Variants in FBLN5 observed in about 807,000 individuals in gnomAD.
FBLN5 encodes fibulin-5.
Under a neutral mutation model 61.6 loss-of-function variants are expected in FBLN5, and 24 were observed. The ratio of observed to expected loss-of-function variants is 0.39; its 90% CI spans 0.28 to 0.55. FBLN5 has a LOEUF of 0.55. FBLN5 is among the 20% of genes least tolerant of loss of function. The pLI is 0.65. For missense variants in FBLN5, 470 were observed against 594.1 expected (o/e 0.79, Z 2.17); for synonymous variants, 213 against 219.8 (o/e 0.97, Z 0.27).
rs1411998249 is a variant in FBLN5 at position 91,947,081 on chromosome 14, G to A, written c.17+132C>T. 7.2e-6 allele frequency: 11 copies of A among 1,535,442 alleles called. No homozygotes were observed. In the South Asian group the frequency reaches 8.3e-5, roughly 12 times the overall value. ...GCTTTTTATAATTAACAATATCATT[G>A]CATCACTAGCTCATGCCTTTTCCAA... On this transcript the variant is annotated intron_variant, in intron 1 of 10. Coordinates refer to ENST00000342058, the MANE Select transcript of FBLN5 (RefSeq NM_006329.4). The surrounding 1 kb of genome is among the most constrained non-coding windows in gnomAD (Gnocchi z 4.3).
chr14:91,875,845 C>T (rs1429896639), intron 10 of FBLN5, among the ~76,000 whole-genome samples: 2 of 152,162 alleles, frequency 1.3e-5, no homozygotes, highest in African/African-American at 4.8e-5. Flanking sequence ...TAAACTAGTA[C>T]AGACTTTTGA....
intron 7 of FBLN5, 32 bp downstream of exon 7, chr14:91,887,160 CA>C (rs747468617): frequency 2.5e-6 from 4 of 1,613,082 alleles, no homozygotes; most frequent in Non-Finnish European, 3.4e-6. Context: ...GCCCCAAGTA[CA>C]GGTGGAAGTT....
At chr14:91,891,768 T>C (rs766996323) in intron 5 of FBLN5, among the ~76,000 whole-genome samples, 6 of 152,170 alleles carry the variant, frequency 3.9e-5, no homozygotes, top group Non-Finnish European at 5.9e-5. Flanking sequence ...AACTCAAAGA[T>C]TCCATATAGA....
chr14:91,898,182 C>G (rs754418995), intron 4 of FBLN5, among the ~76,000 whole-genome samples: 2 of 151,976 alleles, frequency 1.3e-5, no homozygotes, highest in African/African-American at 2.4e-5. Flanking sequence ...TATTTTGAGA[C>G]GTCAATAAGT....
rs1186052599 is a variant in FBLN5 at position 91,937,084 on chromosome 14, G to A, written c.242C>T (p.Ser81Leu). Residue 81 changes from serine (S) to leucine (L), a missense_variant, in exon 4 of 11, where the codon TCG becomes TTG. Coordinates refer to ENST00000342058, the MANE Select transcript of FBLN5 (RefSeq NM_006329.4). ...RTNPVYRGPY[S>L]NPYSTPYSGP... ...TGAGTAGGGGGTCGAGTAGGGGTTC[G>A]AGTAGGGCCCTCGATACACAGGGTT... 7.4e-6 allele frequency: 12 copies of A among 1,613,938 alleles called. No homozygotes were observed. The highest frequency in any genetic ancestry group is 3.3e-4 in the Middle Eastern group (2 of 6,084).
At chr14:91,919,509 C>T (rs550615338) in intron 4 of FBLN5, among the ~76,000 whole-genome samples, 2 of 152,130 alleles carry the variant, frequency 1.3e-5, no homozygotes, top group South Asian at 2.1e-4. Flanking sequence ...TAGGGTGAAT[C>T]GTGTCCCTCC....
intron 4 of FBLN5, among the ~76,000 whole-genome samples, chr14:91,929,249 A>AAT (rs1212460469): frequency 2.6e-5 from 4 of 152,286 alleles, no homozygotes; most frequent in African/African-American, 9.6e-5. Flanking sequence ...ATTTCAAAAT[A>AAT]ACTGCCACAG....
At chr14:91,936,330 A>C (rs1566828174) in intron 4 of FBLN5, among the ~76,000 whole-genome samples, 3 of 152,234 alleles carry the variant, frequency 2.0e-5, no homozygotes, top group African/African-American at 7.2e-5. Flanking sequence ...ATCACAGCGC[A>C]CCTTGGTCAC....
chr14:91,944,957 A>T (rs77631567), intron 1 of FBLN5, among the ~76,000 whole-genome samples: 1,533 of 152,344 alleles, frequency 0.01, 18 homozygotes, highest in African/African-American at 0.034. Flanking sequence ...CAGGCTGGGC[A>T]TGGTGGCTCC....
At chr14:91,942,416 G>A (rs889269892) in intron 2 of FBLN5, among the ~76,000 whole-genome samples, 5 of 152,232 alleles carry the variant, frequency 3.3e-5, no homozygotes. Flanking sequence ...ACCCGTGGGG[G>A]TCCTCAGGTG....
intron 4 of FBLN5, among the ~76,000 whole-genome samples, chr14:91,911,248 G>A (rs569897312): frequency 6.6e-6 from 1 of 152,272 alleles, no homozygotes; most frequent in East Asian, 1.9e-4. Flanking sequence ...GCCTCCCAAA[G>A]TGCTGGGATT....
At chr14:91,871,756 C>T (rs972942377) in intron 10 of FBLN5, among the ~76,000 whole-genome samples, 2 of 151,826 alleles carry the variant, frequency 1.3e-5, no homozygotes, top group African/African-American at 4.8e-5. Flanking sequence ...ACTTGGGAGG[C>T]TGAGGCACAA....
chr14:91,934,861 G>A (rs148048530), intron 4 of FBLN5, among the ~76,000 whole-genome samples: 143 of 152,182 alleles, frequency 9.4e-4, no homozygotes, highest in Middle Eastern at 3.4e-3. Context: ...TGGAAGGAGC[G>A]GTAGGTAGAA....
chr14:91,897,111 C>G (rs1225544250), intron 4 of FBLN5, among the ~76,000 whole-genome samples: 3 of 152,094 alleles, frequency 2.0e-5, no homozygotes, highest in African/African-American at 4.8e-5. Context: ...TTTCCCTCCT[C>G]TAAACATGAA....
intron 2 of FBLN5, chr14:91,942,034 T>C: frequency 7.5e-6 from 3 of 402,330 alleles, no homozygotes; most frequent in South Asian, 3.6e-5. Context: ...AATGCTCCCC[T>C]ACCTGCCTGC....
intron 4 of FBLN5, among the ~76,000 whole-genome samples, chr14:91,928,923 T>C (rs1430284545): frequency 1.3e-5 from 2 of 151,834 alleles, no homozygotes; most frequent in Non-Finnish European, 2.9e-5. Context: ...CCGGGTGCAG[T>C]GGCAGGCGCC....
At chr14:91,896,619 C>A (rs1474600138) in intron 4 of FBLN5, among the ~76,000 whole-genome samples, 1 of 152,118 alleles carries the variant, frequency 6.6e-6, no homozygotes, top group Non-Finnish European at 1.5e-5. Context: ...CTAGTAAGCA[C>A]CAAGCCAAGA....
At chr14:91,876,409 G>A (rs1889164207) in intron 10 of FBLN5, among the ~76,000 whole-genome samples, 1 of 152,218 alleles carries the variant, frequency 6.6e-6, no homozygotes, top group African/African-American at 2.4e-5. Context: ...AGTATGCTGG[G>A]TAGTAGCCCC....
chr14:91,920,493 T>C (rs1427674616), intron 4 of FBLN5, among the ~76,000 whole-genome samples: 1 of 147,740 alleles, frequency 6.8e-6, no homozygotes, highest in African/African-American at 2.5e-5. Context: ...CAACTCATGA[T>C]TTTTGGAGAT....
Sources: gnomAD v4.1 joint callset for allele counts (sites outside exome capture counted in the v4.1 genomes callset) on GRCh38, gnomAD v4.1.1 for gene constraint, Gnocchi (gnomAD v3.1) non-coding constraint, MANE v1.5 for transcripts, NCBI Gene and HGNC (gene_info 2026-07-23, HGNC 2026-07-21) for gene names.